Variants in MGST1 observed in about 807,000 individuals in gnomAD.
The protein encoded by MGST1 is glutathione S-transferase 12.
Under a neutral mutation model 8.9 loss-of-function variants are expected in MGST1, and 5 were observed. That is an observed-to-expected ratio of 0.56 (90% CI 0.29 to 1.19). The LOEUF (loss-of-function observed/expected upper bound fraction) is 1.19. Ranked by LOEUF, MGST1 falls within the 50% of genes most tolerant of loss-of-function variation. The pLI is 0.08. For missense variants in MGST1, 182 were observed against 187.4 expected (o/e 0.97, Z 0.17); for synonymous variants, 54 against 67.8 (o/e 0.80, Z 1.00).
At chr12:16,499,636 C>T (rs1477818498) in intron 4 of MGST1, among the ~76,000 whole-genome samples, 1 of 146,646 alleles carries the variant, frequency 6.8e-6, no homozygotes, top group African/African-American at 2.5e-5. Context: ...TTCTGAAACC[C>T]AGAAGAGTTT....
chr12:16,587,046 T>G lies in MGST1; in HGVS notation n.483-2482T>G, dbSNP rs886752665. On this transcript the variant is annotated intron_variant and non_coding_transcript_variant, in intron 4 of 4. Coordinates refer to the MGST1 transcript ENST00000538857. The surrounding 1 kb of genome is among the most constrained non-coding windows in gnomAD (Gnocchi z 4.3). Reference sequence around the variant, plus strand: ...TCTCGTCACATCTCATATTTGGTTATTTTCCTTCTCAAAAGGTCTTGTTAC... The same window carrying G: ...TCTCGTCACATCTCATATTTGGTTAGTTTCCTTCTCAAAAGGTCTTGTTAC... Among the ~76,000 whole-genome samples the G allele has an allele frequency of 2.0e-5, 3 of 152,216 alleles. No individual in the cohort carries two copies. Among genetic ancestry groups the G allele is most frequent in the Non-Finnish European group, 4.4e-5 (3 of 68,036 alleles).
intron 4 of MGST1, among the ~76,000 whole-genome samples, chr12:16,455,782 C>G (rs186106170): frequency 1.3e-5 from 2 of 151,766 alleles, no homozygotes; most frequent in Admixed American, 1.3e-4. Flanking sequence ...AGAAAAAATT[C>G]CTTATTCCTA....
In MGST1 at chr12:16,482,632, A is replaced by C. The variant is rs1426037820; in HGVS notation, n.482+99028A>C. 1.2e-5 allele frequency among the ~76,000 whole-genome samples: 1 copy of C among 86,776 alleles called. No homozygotes were observed. The highest frequency in any genetic ancestry group is 1.5e-4 in the Admixed American group (1 of 6,770). The allele number at this position is 86,776 out of a possible 152,430, so 56.9% of individuals were successfully genotyped here. A position where few individuals can be genotyped will look rare whatever the true frequency, so the allele number is the denominator to read the frequency against. On this transcript the variant is annotated intron_variant and non_coding_transcript_variant, in intron 4 of 4. Coordinates refer to the MGST1 transcript ENST00000538857. The surrounding 1 kb of genome is among the most constrained non-coding windows in gnomAD (Gnocchi z 4.2). ...GGTTACAGAGCAAGACTCTGTCTGG[A>C]AGAAAAAAAAAAAAGAGTGAGAACA...
At chr12:16,404,832 GA>G (rs1211026021) in intron 1 of MGST1, among the ~76,000 whole-genome samples, 3 of 152,018 alleles carry the variant, frequency 2.0e-5, no homozygotes, top group African/African-American at 7.2e-5. Context: ...CTTCCAGATG[GA>G]ATTGCTTTCC....
At chr12:16,515,925 G>C (rs1458324795) in intron 4 of MGST1, among the ~76,000 whole-genome samples, 2 of 152,098 alleles carry the variant, frequency 1.3e-5, no homozygotes, top group Admixed American at 1.3e-4. Context: ...GCTGGGCTCA[G>C]GCTTCACCCA....
chr12:16,566,256 G>A (rs979979050), intron 4 of MGST1, among the ~76,000 whole-genome samples: 2 of 151,440 alleles, frequency 1.3e-5, no homozygotes, highest in East Asian at 3.9e-4. Context: ...GGAGCAGAGA[G>A]GGAAGGAGGA....
chr12:16,439,616 TC>T (rs1360452501), downstream of MGST1, among the ~76,000 whole-genome samples: 4 of 151,806 alleles, frequency 2.6e-5, no homozygotes, highest in Admixed American at 2.6e-4. Flanking sequence ...GTAATATTTC[TC>T]AAGGTGGAGG....
At chr12:16,426,444 T>C (rs1046582166) in intron 1 of MGST1, among the ~76,000 whole-genome samples, 2 of 152,244 alleles carry the variant, frequency 1.3e-5, no homozygotes, top group Non-Finnish European at 2.9e-5. Flanking sequence ...CTTTTTGTTC[T>C]AGTTGTTTTT....
chr12:16,369,048 C>A (rs1030253263), downstream of MGST1, among the ~76,000 whole-genome samples: 1 of 152,146 alleles, frequency 6.6e-6, no homozygotes, highest in African/African-American at 2.4e-5. This position sits in a 1 kb window ranked among gnomAD's most constrained non-coding sequence, Gnocchi z 4.8. Context: ...TAGCCTAAGT[C>A]ATTCGTATCT....
At chr12:16,495,113 A>AT (rs1293413792) in intron 4 of MGST1, among the ~76,000 whole-genome samples, 8 of 152,180 alleles carry the variant, frequency 5.3e-5, no homozygotes, top group Admixed American at 3.9e-4. Flanking sequence ...TCCTAACACC[A>AT]TGTCCTACAA....
intron 1 of MGST1, among the ~76,000 whole-genome samples, chr12:16,407,303 A>G (rs1398937109): frequency 6.6e-6 from 1 of 152,242 alleles, no homozygotes; most frequent in Admixed American, 6.5e-5. Context: ...CAACAAGCAT[A>G]TGAAGAAAAG....
chr12:16,387,862 A>G (rs1023504765), intron 1 of MGST1, among the ~76,000 whole-genome samples: 18 of 151,568 alleles, frequency 1.2e-4, no homozygotes, highest in African/African-American at 4.4e-4. Context: ...TTCTATGTTT[A>G]GATACACAAA....
Position 16,389,968 on chromosome 12 carries a change from T to C in MGST1, n.778+6364T>C, listed in dbSNP as rs996928740. On this transcript the variant is annotated intron_variant and non_coding_transcript_variant, in intron 1 of 1. Transcript: ENST00000359720. This position sits in a 1 kb window ranked among gnomAD's most constrained non-coding sequence, Gnocchi z 4.6. ...AAGGGAGTTGAAGTGCAATACAGAC[T>C]GCAGCTCCATCCGTCAGAGGGTTGA... is the stretch of plus-strand genomic sequence containing the variant. 1.3e-5 allele frequency among the ~76,000 whole-genome samples: 2 copies of C among 152,210 alleles called. No homozygotes were observed. Among genetic ancestry groups the C allele is most frequent in the Admixed American group, 6.5e-5 (1 of 15,286 alleles).
intron 4 of MGST1, among the ~76,000 whole-genome samples, chr12:16,470,585 G>A (rs1278652286): frequency 6.6e-6 from 1 of 152,146 alleles, no homozygotes; most frequent in Non-Finnish European, 1.5e-5. Context: ...AGTAATCATG[G>A]ATGAGTAACT....
downstream of MGST1, among the ~76,000 whole-genome samples, chr12:16,591,373 GC>G (rs1943490809): frequency 1.3e-5 from 2 of 151,942 alleles, no homozygotes; most frequent in South Asian, 4.1e-4. This position sits in a 1 kb window ranked among gnomAD's most constrained non-coding sequence, Gnocchi z 4.1. Context: ...GAGGCTGTCT[GC>G]ACCCCCTCCA....
chr12:16,441,306 T>G (rs140810679), downstream of MGST1, among the ~76,000 whole-genome samples: 326 of 151,986 alleles, frequency 2.1e-3, 1 homozygote, highest in African/African-American at 7.2e-3. Flanking sequence ...AACGATACAT[T>G]TGTTACAAAC....
In MGST1 at chr12:16,524,596, C is replaced by T. The variant is rs184037100; in HGVS notation, n.483-64932C>T. On this transcript the variant is annotated intron_variant and non_coding_transcript_variant, in intron 4 of 4. Transcript: ENST00000538857. ...CATACACAAGCAAGATTAGAGGGAA[C>T]ACCAAACCTGTTAGACTTGTTTGGC... Among the ~76,000 whole-genome samples the T allele has an allele frequency of 2.0e-4, 30 of 152,162 alleles. No homozygotes were observed. The East Asian group carries it at 4.8e-3, about 25-fold the overall frequency.
At chr12:16,450,839 CGTGTGTGTGTGTGTGTGTGTGT>C (rs66984063) in intron 4 of MGST1, among the ~76,000 whole-genome samples, 3 of 147,882 alleles carry the variant, frequency 2.0e-5, no homozygotes, top group African/African-American at 5.0e-5. Flanking sequence ...ATATATATTC[CGTGTGTGTGTGTGTGTGTGTGT>C]GTGTGTGTGT....
At chr12:16,404,398 G>A (rs1349755396) in intron 1 of MGST1, among the ~76,000 whole-genome samples, 1 of 151,884 alleles carries the variant, frequency 6.6e-6, no homozygotes, top group Non-Finnish European at 1.5e-5. Flanking sequence ...GGCAATCTTT[G>A]TCTTTTACAG....
Sources: gnomAD v4.1 joint callset for allele counts (sites outside exome capture counted in the v4.1 genomes callset) on GRCh38, gnomAD v4.1.1 for gene constraint, Gnocchi (gnomAD v3.1) non-coding constraint, MANE v1.5 for transcripts, NCBI Gene and HGNC (gene_info 2026-07-23, HGNC 2026-07-21) for gene names.